PCSK5: variants seen among roughly 807,000 people sequenced by gnomAD.
PCSK5 encodes the protein proprotein convertase subtilisin/kexin type 5, also known as prohormone convertase 5.
PCSK5 carries 129 observed loss-of-function variants against 233.2 expected under a neutral mutation model. The observed-to-expected ratio is 0.55, with a 90% CI of 0.48 to 0.64. The LOEUF (loss-of-function observed/expected upper bound fraction) is 0.64, where lower values mean the gene tolerates loss of function less well. PCSK5 is among the 30% of genes least tolerant of loss of function. The pLI is 0.00. For missense variants in PCSK5, 2,076 were observed against 2,430.1 expected (o/e 0.85, Z 3.06); for synonymous variants, 825 against 879.2 (o/e 0.94, Z 1.09).
At chr9:76,311,750 C>T (rs10119293) in intron 30 of PCSK5, among the ~76,000 whole-genome samples, 12,402 of 152,168 alleles carry the variant, frequency 0.082, 566 homozygotes, top group African/African-American at 0.1. Flanking sequence ...GTCACTTCAG[C>T]GGCCAACAAG....
chr9:75,925,703 G>A (rs753233359), intron 1 of PCSK5, among the ~76,000 whole-genome samples: 48 of 152,208 alleles, frequency 3.2e-4, no homozygotes, highest in Admixed American at 7.2e-4. Context: ...AAGGAAGGAG[G>A]TGCAAGGGCC....
intron 2 of PCSK5, among the ~76,000 whole-genome samples, chr9:75,970,014 C>T (rs1321317905): frequency 6.6e-6 from 1 of 151,900 alleles, no homozygotes; most frequent in Non-Finnish European, 1.5e-5. Flanking sequence ...GCTGGGATTA[C>T]AGGTGTGCAC....
intron 30 of PCSK5, among the ~76,000 whole-genome samples, chr9:76,319,626 C>A (rs905666470): frequency 1.3e-5 from 2 of 151,968 alleles, no homozygotes; most frequent in East Asian, 3.9e-4. Flanking sequence ...CTTAGCAGAC[C>A]GCGAAAGGGA....
intron 2 of PCSK5, among the ~76,000 whole-genome samples, chr9:75,956,162 A>G (rs1363856972): frequency 6.6e-6 from 1 of 152,206 alleles, no homozygotes; most frequent in Non-Finnish European, 1.5e-5. Context: ...GATCAAGTCT[A>G]TTGGAATTGC....
chr9:76,100,129 T>C lies in PCSK5; in HGVS notation c.1107+4027T>C, dbSNP rs558339071. On this transcript the variant is annotated intron_variant, in intron 8 of 37. Coordinates refer to ENST00000674117, the MANE Select transcript of PCSK5 (RefSeq NM_001372043.1). ...TCTAGCACAGTTGTGGACCTCGGTA[T>C]TGCATTCATGCTTTAGTAGATTTGG... Among the ~76,000 whole-genome samples, 33 of 152,348 alleles carry C rather than the reference T, an allele frequency of 2.2e-4. 1 individual carries two copies. In the East Asian group the frequency reaches 6.2e-3, roughly 29 times the overall value.
intron 22 of PCSK5, among the ~76,000 whole-genome samples, chr9:76,235,604 C>T (rs1587789489): frequency 6.6e-6 from 1 of 152,176 alleles, no homozygotes; most frequent in African/African-American, 2.4e-5. Flanking sequence ...GCATGATACT[C>T]ATGTTCAAGG....
chr9:76,224,230 CA>C (rs1449407161), intron 20 of PCSK5, among the ~76,000 whole-genome samples: 3 of 152,110 alleles, frequency 2.0e-5, no homozygotes, highest in Non-Finnish European at 4.4e-5. Flanking sequence ...TTTTGTAGAT[CA>C]GACAAGGATT....
intron 37 of PCSK5, 51 bp downstream of exon 37, chr9:76,354,270 G>A (rs1830241238): frequency 1.4e-6 from 2 of 1,408,158 alleles, no homozygotes; most frequent in Non-Finnish European, 1.9e-6. Flanking sequence ...TCCTCAAGAA[G>A]CCAATGGGAG....
At position 76,191,368 on chromosome 9, in the gene PCSK5, G is replaced by A. The variant is rs151273645; in HGVS notation, c.2626+1622G>A. Among the ~76,000 whole-genome samples the A allele has an allele frequency of 2.0e-5, 3 of 152,166 alleles. No individual in the cohort carries two copies. The East Asian group carries it at 5.8e-4, about 29-fold the overall frequency. ...ATGTGGACTTGGAAGTCAGAATGCT[G>A]TCATTCATACCTGGTCTCCAGGCCT... On this transcript the variant is annotated intron_variant, in intron 20 of 37. Transcript: ENST00000674117.
chr9:76,328,346 C>T (rs1829432274), intron 33 of PCSK5, 107 bp downstream of exon 33: 2 of 820,488 alleles, frequency 2.4e-6, no homozygotes, highest in Non-Finnish European at 4.0e-6. Context: ...TGATTTTTTG[C>T]TTTGTGTTTG....
At chr9:75,924,193 T>A (rs927492179) in intron 1 of PCSK5, among the ~76,000 whole-genome samples, 2 of 151,608 alleles carry the variant, frequency 1.3e-5, no homozygotes, top group Admixed American at 1.3e-4. Flanking sequence ...ATTATACATC[T>A]TTCCTTGAGC....
At position 76,011,016 on chromosome 9, in the gene PCSK5, C is replaced by T. The variant is rs550546287; in HGVS notation, c.412-12722C>T. On this transcript the variant is annotated intron_variant, in intron 3 of 37. Transcript: ENST00000674117. ...ATGTGTCACTGTGTTTGGATAGTGA[C>T]TTTTCTGGAATTATTATTTTTCTCT... Among the ~76,000 whole-genome samples, 46 of 152,224 alleles carry T rather than the reference C, an allele frequency of 3.0e-4. No homozygotes were observed. The South Asian group carries it at 9.6e-3, about 32-fold the overall frequency.
At chr9:75,985,999 G>T in intron 2 of PCSK5, 133 bp from the exon 3 acceptor site, 1 of 614,374 alleles carries the variant, frequency 1.6e-6, no homozygotes, top group Non-Finnish European at 2.9e-6. Flanking sequence ...CTTAGACTCA[G>T]AGATTTTAGT....
At chr9:76,243,622 T>A (rs1417148198) in intron 24 of PCSK5, among the ~76,000 whole-genome samples, 1 of 152,222 alleles carries the variant, frequency 6.6e-6, no homozygotes. Flanking sequence ...TTTCCCTTTG[T>A]TAGGCCAGCG....
intron 7 of PCSK5, among the ~76,000 whole-genome samples, chr9:76,086,960 T>G (rs528227233): frequency 6.6e-6 from 1 of 152,346 alleles, no homozygotes; most frequent in South Asian, 2.1e-4. Flanking sequence ...ATTCTTTGTA[T>G]GAAAGCATAT....
intron 3 of PCSK5, among the ~76,000 whole-genome samples, chr9:75,991,157 C>T (rs1268567749): frequency 6.6e-6 from 1 of 152,122 alleles, no homozygotes; most frequent in Non-Finnish European, 1.5e-5. Flanking sequence ...ACACCATTTA[C>T]CAGGGACTGA....
chr9:76,292,509 G>C (rs1828309724), intron 25 of PCSK5, among the ~76,000 whole-genome samples: 1 of 152,222 alleles, frequency 6.6e-6, no homozygotes, highest in Non-Finnish European at 1.5e-5. Flanking sequence ...TGACACTGGT[G>C]TCTAGGAATC....
intron 24 of PCSK5, among the ~76,000 whole-genome samples, chr9:76,263,285 A>C (rs1047112392): frequency 2.0e-5 from 3 of 152,280 alleles, no homozygotes; most frequent in South Asian, 2.1e-4. Context: ...TGGGTGTATA[A>C]CCAAAGGACT....
intron 5 of PCSK5, among the ~76,000 whole-genome samples, chr9:76,057,564 T>A (rs1587563021): frequency 6.6e-6 from 1 of 152,226 alleles, no homozygotes; most frequent in Admixed American, 6.5e-5. Context: ...AATTTCACTC[T>A]CTCCCAAAAA....
Sources: gnomAD v4.1 joint callset for allele counts (sites outside exome capture counted in the v4.1 genomes callset) on GRCh38, gnomAD v4.1.1 for gene constraint, MANE v1.5 for transcripts, NCBI Gene and HGNC (gene_info 2026-07-23, HGNC 2026-07-21) for gene names.